The following TFPI variants were observed in gnomAD, a reference collection of about 807,000 sequenced individuals.
TFPI encodes the protein anti-convertin.
A neutral mutation model predicts 34.6 loss-of-function variants in TFPI; 15 were observed. That is an observed-to-expected ratio of 0.43 (90% CI 0.29 to 0.67). The LOEUF is 0.67. Ranked by LOEUF, TFPI falls within the 30% of genes least tolerant of loss-of-function variation. The pLI is 0.15. For missense variants in TFPI, 301 were observed against 364.0 expected (o/e 0.83, Z 1.41); for synonymous variants, 105 against 120.1 (o/e 0.87, Z 0.82).
chr2:187,508,382 T>C (rs1325506600), intron 1 of TFPI, among the ~76,000 whole-genome samples: 1 of 152,222 alleles, frequency 6.6e-6, no homozygotes, highest in Admixed American at 6.5e-5. Flanking sequence ...TGGGATAGCA[T>C]TGAATCTATA....
intron 6 of TFPI, among the ~76,000 whole-genome samples, chr2:187,473,967 A>G (rs1279984580): frequency 6.6e-6 from 1 of 152,096 alleles, no homozygotes; most frequent in Non-Finnish European, 1.5e-5. Flanking sequence ...AAGGAAATAA[A>G]TTGGGTAGAT....
At chr2:187,551,668 G>C (rs940663276) in intron 1 of TFPI, among the ~76,000 whole-genome samples, 3 of 152,122 alleles carry the variant, frequency 2.0e-5, no homozygotes, top group African/African-American at 7.2e-5. Context: ...GGAAACACTT[G>C]AACACTTCCC....
chr2:187,494,701 C>CA (rs1462144798), intron 3 of TFPI, among the ~76,000 whole-genome samples: 1 of 152,158 alleles, frequency 6.6e-6, no homozygotes, highest in Non-Finnish European at 1.5e-5. Context: ...ATAAAACACT[C>CA]AGACATTCAT....
rs931349514 is a variant in TFPI, at chr2:187,492,617, C to T, written c.320-4242G>A. On this transcript the variant is annotated intron_variant, in intron 3 of 7. Coordinates refer to ENST00000233156, the MANE Select transcript of TFPI (RefSeq NM_006287.6). ...CATGGGAGCCCACCTCTTGCATCAG[C>T]GTGACCTGGATATGAGACATGGAGT... Among the ~76,000 whole-genome samples the T allele has an allele frequency of 3.9e-5, 6 of 152,170 alleles. 1 individual carries two copies. Among genetic ancestry groups the T allele is most frequent in the African/African-American group, 1.2e-4 (5 of 41,456 alleles).
At chr2:187,471,853 C>G (rs1559095774) in intron 6 of TFPI, among the ~76,000 whole-genome samples, 1 of 151,950 alleles carries the variant, frequency 6.6e-6, no homozygotes, top group East Asian at 1.9e-4. Context: ...GGCTTGCCTA[C>G]TTAGGCTTTT....
At chr2:187,467,082 A>C in intron 7 of TFPI, 40 bp from the exon 8 acceptor site, 2 of 1,233,408 alleles carry the variant, frequency 1.6e-6, no homozygotes, top group Non-Finnish European at 2.3e-6. Flanking sequence ...GTGATAAAAT[A>C]ACACAATGAA....
At position 187,505,618 on chromosome 2, in the gene TFPI, A is replaced by T. The variant is rs573799856; in HGVS notation, c.-2-1848T>A. On this transcript the variant is annotated intron_variant, in intron 1 of 7. Transcript: ENST00000233156. Reference sequence around the variant, plus strand: ...ACTGTCCTGGGTTTTAAACCTTAAGAGTTTTTCAATCAAAATAGTGTGACT... The same window carrying T: ...ACTGTCCTGGGTTTTAAACCTTAAGTGTTTTTCAATCAAAATAGTGTGACT... Among the ~76,000 whole-genome samples, 7 of 152,246 alleles carry T rather than the reference A, an allele frequency of 4.6e-5. No individual in the cohort carries two copies. The South Asian group carries it at 6.2e-4, about 14-fold the overall frequency.
chr2:187,488,226 T>TC, intron 4 of TFPI, 111 bp downstream of exon 4: 4 of 768,902 alleles, frequency 5.2e-6, no homozygotes. Context: ...AAGAATTGAA[T>TC]ATCTATACTG....
At chr2:187,511,220 G>A (rs1029155428) in intron 1 of TFPI, among the ~76,000 whole-genome samples, 1 of 152,214 alleles carries the variant, frequency 6.6e-6, no homozygotes, top group Admixed American at 6.5e-5. Context: ...AACTTGGTAA[G>A]ACTGGTCTTT....
intron 1 of TFPI, among the ~76,000 whole-genome samples, chr2:187,539,894 A>G (rs1309577457): frequency 6.7e-6 from 1 of 149,352 alleles, no homozygotes; most frequent in Non-Finnish European, 1.5e-5. Context: ...CCATTACGTC[A>G]TCTTCTTTTT....
At chr2:187,499,709 A>G (rs1685723813) in intron 2 of TFPI, 1 of 151,398 alleles carries the variant, frequency 6.6e-6, no homozygotes, top group Admixed American at 6.6e-5. Context: ...ATGGGACCCC[A>G]GAATTCACAT....
chr2:187,497,772 T>C (rs1685583944), intron 2 of TFPI, among the ~76,000 whole-genome samples: 1 of 151,924 alleles, frequency 6.6e-6, no homozygotes, highest in African/African-American at 2.4e-5. Flanking sequence ...GGAATGGACA[T>C]AGAAATAGGG....
At chr2:187,543,886 A>G (rs1232546778) in intron 1 of TFPI, among the ~76,000 whole-genome samples, 2 of 152,208 alleles carry the variant, frequency 1.3e-5, no homozygotes, top group African/African-American at 4.8e-5. Flanking sequence ...TGTAAGTGAC[A>G]CTTGTTACTG....
In TFPI at chr2:187,484,177, T is replaced by C. The variant is rs148507311; in HGVS notation, c.575A>G (p.Asn192Ser). 1.9e-6 allele frequency: 3 copies of C among 1,612,354 alleles called. No individual in the cohort carries two copies. The highest frequency in any genetic ancestry group is 2.2e-5 in the East Asian group (1 of 44,818). The change falls in exon 6 of 8, where the codon AAT (asparagine) becomes AGT (serine). Residue 192 changes from asparagine (N) to serine (S), a missense_variant. Asn to Ser is a conservative substitution (Grantham distance 46). Coordinates refer to ENST00000233156, the MANE Select transcript of TFPI (RefSeq NM_006287.6). ...FQVDNYGTQL[N>S]AVNNSLTPQS... ...CGGAGTCAGGGAGTTATTCACAGCA[T>C]TGAGCTGGGTTCCATAATTATCCAC...
chr2:187,522,744 A>AC (rs1687462533), intron 1 of TFPI, among the ~76,000 whole-genome samples: 1 of 146,084 alleles, frequency 6.8e-6, no homozygotes, highest in African/African-American at 2.6e-5. Context: ...AAAAAAAAAA[A>AC]CCCAGGCACG....
At chr2:187,513,900 C>A (rs1311562467) in intron 1 of TFPI, 1 of 152,186 alleles carries the variant, frequency 6.6e-6, no homozygotes, top group Non-Finnish European at 1.5e-5. Flanking sequence ...TGGGGACTTA[C>A]CAAGTCAAAG....
At chr2:187,523,131 T>G (rs1203976642) in intron 1 of TFPI, among the ~76,000 whole-genome samples, 3 of 152,026 alleles carry the variant, frequency 2.0e-5, no homozygotes, top group African/African-American at 7.3e-5. Flanking sequence ...GTTTGTGCAG[T>G]TTTTAAATAG....
At chr2:187,500,201 A>G (rs1030875049) in intron 2 of TFPI, among the ~76,000 whole-genome samples, 15 of 152,152 alleles carry the variant, frequency 9.9e-5, no homozygotes, top group African/African-American at 3.6e-4. Flanking sequence ...TAGCAACAAT[A>G]GCTAATGTTG....
At chr2:187,503,839 ACAT>A (rs529854708) in intron 1 of TFPI, 69 bp from the exon 2 acceptor site, 62 of 1,544,434 alleles carry the variant, frequency 4.0e-5, no homozygotes, top group Non-Finnish European at 5.1e-5. Context: ...AGACTAGTAA[ACAT>A]CATATGTGTA....
Sources: gnomAD v4.1 joint callset for allele counts (sites outside exome capture counted in the v4.1 genomes callset) on GRCh38, gnomAD v4.1.1 for gene constraint, MANE v1.5 for transcripts, NCBI Gene and HGNC (gene_info 2026-07-23, HGNC 2026-07-21) for gene names.